The following EPG5 variants were observed in gnomAD, a reference collection of about 807,000 sequenced individuals.
EPG5 encodes the protein ectopic P-granules 5 autophagy tethering factor.
Under a neutral mutation model 302.7 loss-of-function variants are expected in EPG5, and 159 were observed. The observed-to-expected ratio is 0.53, with a 90% confidence interval of 0.46 to 0.60. The LOEUF is 0.60. Among genes scored for constraint, EPG5 ranks in the 20% least tolerant of loss-of-function variants. The probability of loss-of-function intolerance (pLI) is 0.00; values close to 1 mark genes in which losing one functional copy is unlikely to be tolerated. For missense variants in EPG5, 2,896 were observed against 3,092.4 expected (o/e 0.94, Z 1.51); for synonymous variants, 1,158 against 1,136.8 (o/e 1.02, Z -0.37).
At chr18:45,885,076 C>T (rs894614399) in intron 29 of EPG5, among the ~76,000 whole-genome samples, 1 of 152,144 alleles carries the variant, frequency 6.6e-6, no homozygotes, top group South Asian at 2.1e-4. Flanking sequence ...CAGTTGCTCA[C>T]GCTTGTAATC....
intron 7 of EPG5, 137 bp downstream of exon 7, chr18:45,946,526 G>A (rs908574251): frequency 1.6e-6 from 1 of 641,786 alleles, no homozygotes; most frequent in Non-Finnish European, 2.7e-6. Flanking sequence ...CTATAAAATA[G>A]GAATCATAAG....
chr18:45,910,724 A>G lies in EPG5; in HGVS notation c.4002T>C (p.Cys1334=). Residue 1334 remains cysteine (C), a synonymous_variant, in exon 23 of 44, where the codon TGT becomes TGC. Transcript: ENST00000282041. ...GACTTTGAAAAAACCTTCTTCCAAT[A>G]CAACCATCTATGGGTAACCTTAAAA... ...GPQYGLPIDG[C]IGRRFFQSPA... is the part of the protein sequence containing the mutation. 6.2e-7 allele frequency: 1 copy of G among 1,614,060 alleles called. No homozygotes were observed. The highest frequency in any genetic ancestry group is 8.5e-7 in the Non-Finnish European group (1 of 1,179,938).
At chr18:45,814,474 A>C in the EPG5 span, among the ~76,000 whole-genome samples, 1 of 152,234 alleles carries the variant, frequency 6.6e-6, no homozygotes, top group African/African-American at 2.4e-5. Context: ...ACCATGGGAC[A>C]GTTGGCAGAT....
At chr18:45,905,996 G>C (rs8091448) in intron 24 of EPG5, among the ~76,000 whole-genome samples, 38,966 of 151,944 alleles carry the variant, frequency 0.26, 6,044 homozygotes, top group African/African-American at 0.41. Flanking sequence ...TTCTCTGTGC[G>C]TTAAATGCTG....
intron 34 of EPG5, among the ~76,000 whole-genome samples, chr18:45,876,642 T>C (rs2048976136): frequency 6.6e-6 from 1 of 152,030 alleles, no homozygotes; most frequent in Non-Finnish European, 1.5e-5. Flanking sequence ...CCCTTGGACA[T>C]CTTGGTTACA....
In EPG5 at chr18:45,934,704, A is replaced by G; in HGVS notation, c.2257+105T>C. ...AAAATCATTACACATGAGTATGTAG[A>G]GTAAAACATTTTCTCTTAGTCCTTC... is the stretch of plus-strand genomic sequence containing the variant. On this transcript the variant is annotated intron_variant, in intron 11 of 43. Transcript: ENST00000282041. 4 of 1,285,798 alleles carry G rather than the reference A, an allele frequency of 3.1e-6. No individual in the cohort carries two copies. The South Asian group carries it at 4.5e-5, about 14-fold the overall frequency. The allele number at this position is 1,285,798 out of a possible 1,614,324, so 79.6% of individuals were successfully genotyped here.
chr18:45,882,240 A>T (rs1347603667), intron 31 of EPG5, 34 bp downstream of exon 31: 2 of 1,490,790 alleles, frequency 1.3e-6, no homozygotes, highest in Non-Finnish European at 1.9e-6. Flanking sequence ...ATTCACTAAG[A>T]TCTAGTTAGT....
chr18:45,912,243 A>G, intron 22 of EPG5, 47 bp downstream of exon 22: 1 of 1,495,578 alleles, frequency 6.7e-7, no homozygotes, highest in African/African-American at 1.4e-5. Flanking sequence ...AGAGCAGTGC[A>G]AAGGCAGAAA....
In EPG5 at chr18:45,913,814, C is replaced by A; in HGVS notation, c.3708G>T (p.Trp1236Cys). 1 of 1,613,960 alleles carries A rather than the reference C, an allele frequency of 6.2e-7. No homozygotes were observed. The highest frequency in any genetic ancestry group is 8.5e-7 in the Non-Finnish European group (1 of 1,179,942). Residue 1236 changes from tryptophan to cysteine, a missense_variant, in exon 21 of 44, where the codon TGG becomes TGT. Trp to Cys is a radical substitution (Grantham distance 215). Coordinates refer to ENST00000282041, the MANE Select transcript of EPG5 (RefSeq NM_020964.3). ...LATPTQVWFA[W>C]TVLNMESIFE... ...AGATGGATTCCATGTTGAGCACTGTCCAGGCAAACCAGACCTATAATGACA... is the reference window on the plus strand; with the variant it reads ...AGATGGATTCCATGTTGAGCACTGTACAGGCAAACCAGACCTATAATGACA...
rs72918357 is a variant in EPG5 at position 45,927,595 on chromosome 18, C to T, written c.2553+1274G>A. On this transcript the variant is annotated intron_variant, in intron 13 of 43. Transcript: ENST00000282041. ...CTGAATGGATAAACAAAAAGTTATA[C>T]ACACACACACACACACACACACACA... Among the ~76,000 whole-genome samples the T allele has an allele frequency of 4.1e-3, 369 of 88,944 alleles. 3 individuals carry two copies. The highest frequency in any genetic ancestry group is 0.018 in the African/African-American group (275 of 15,466). 58.4% of individuals were successfully genotyped at this position (88,944 alleles called of 152,430 possible).
At chr18:45,922,778 G>A (rs995012982) in intron 15 of EPG5, among the ~76,000 whole-genome samples, 178 bp from the exon 16 acceptor site, 66 of 152,134 alleles carry the variant, frequency 4.3e-4, no homozygotes, top group African/African-American at 1.5e-3. Context: ...CGCAACTTGC[G>A]CTTACTTGCT....
At chr18:45,892,619 T>C (rs1260798371) in intron 27 of EPG5, among the ~76,000 whole-genome samples, 2 of 152,180 alleles carry the variant, frequency 1.3e-5, no homozygotes, top group Non-Finnish European at 2.9e-5. Context: ...AACCCAATTA[T>C]AAATCACCCC....
the EPG5 span, among the ~76,000 whole-genome samples, chr18:45,805,677 A>G: frequency 1.3e-5 from 2 of 152,168 alleles, no homozygotes; most frequent in Non-Finnish European, 2.9e-5. Flanking sequence ...AGTGAAAGTA[A>G]ATAGATGCAA....
intron 21 of EPG5, 74 bp from the exon 22 acceptor site, chr18:45,912,530 C>G: frequency 7.5e-6 from 10 of 1,327,524 alleles, no homozygotes; most frequent in South Asian, 1.4e-5. Flanking sequence ...TCTAAGTGAT[C>G]CAACTGAAAC....
At chr18:45,916,365 A>T in intron 18 of EPG5, 73 bp downstream of exon 18, 1 of 1,566,516 alleles carries the variant, frequency 6.4e-7, no homozygotes, top group South Asian at 1.2e-5. Flanking sequence ...ACTAAAACCT[A>T]AGTGTGCTAA....
intron 13 of EPG5, 61 bp from the exon 14 acceptor site, chr18:45,925,963 C>T (rs547115204): frequency 2.9e-6 from 3 of 1,032,532 alleles, no homozygotes; most frequent in South Asian, 4.1e-5. Flanking sequence ...TATATTACTA[C>T]AATATTATAT....
rs1310878605 is a variant in EPG5, at chr18:45,855,534, G to A, written c.7557+39C>T. 2.7e-6 allele frequency: 4 copies of A among 1,463,392 alleles called. No individual in the cohort carries two copies. In the Admixed American group the frequency reaches 6.8e-5, roughly 25 times the overall value. 90.7% of individuals were successfully genotyped at this position (1,463,392 alleles called of 1,614,324 possible). A position where few individuals can be genotyped will look rare whatever the true frequency, so the allele number is the denominator to read the frequency against. On this transcript the variant is annotated intron_variant, in intron 43 of 43. Transcript: ENST00000282041. ...CACCTCCCTGCCTTCTAGGGAAGAT[G>A]TGCAGGCAAACTTCTAACCCTTCAT...
chr18:45,852,303 A>ACACACACC lies in EPG5; in HGVS notation c.*163_*164insGGTGTGTG. 2 of 604,356 alleles carry ACACACACC rather than the reference A, an allele frequency of 3.3e-6. No homozygotes were observed. The highest frequency in any genetic ancestry group is 1.9e-5 in the African/African-American group (1 of 53,370). 37.4% of individuals were successfully genotyped at this position (604,356 alleles called of 1,614,324 possible). A position where few individuals can be genotyped will look rare whatever the true frequency, so the allele number is the denominator to read the frequency against. ...AAAACACACACACACACACACACAC[A>ACACACACC]CCCCAAAATTATCTAATATCTAACG... is the stretch of plus-strand genomic sequence containing the variant. On this transcript the variant is annotated 3_prime_UTR_variant, in exon 44 of 44. Transcript: ENST00000282041.
intron 9 of EPG5, among the ~76,000 whole-genome samples, chr18:45,942,439 C>T (rs2050689965): frequency 6.6e-6 from 1 of 151,878 alleles, no homozygotes; most frequent in South Asian, 2.1e-4. Flanking sequence ...CCCGTCTCCA[C>T]TAAAAATACA....
Sources: allele counts gnomAD v4.1 joint callset (sites outside exome capture counted in the v4.1 genomes callset), GRCh38; gene constraint gnomAD v4.1.1; transcripts MANE v1.5; gene names NCBI Gene and HGNC (gene_info 2026-07-23, HGNC 2026-07-21).